Variants in PTK2 observed in about 807,000 individuals in gnomAD.
PTK2 encodes the protein protein tyrosine kinase 2.
In PTK2, 45 loss-of-function variants were observed where a neutral mutation model predicts 150.1. That is an observed-to-expected ratio of 0.30 (90% CI 0.24 to 0.38). The LOEUF is 0.38. Ranked by LOEUF, PTK2 falls within the 10% of genes least tolerant of loss-of-function variation. The pLI, the probability that PTK2 is intolerant of heterozygous loss-of-function variation, is 1.00. For missense variants in PTK2, 919 were observed against 1,307.3 expected, an observed-to-expected ratio of 0.70 and a Z score of 4.58; for synonymous variants, 432 against 449.2, an observed-to-expected ratio of 0.96 and a Z score of 0.48.
At chr8:140,976,678 T>C (rs1421776530) in intron 1 of PTK2, among the ~76,000 whole-genome samples, 1 of 152,236 alleles carries the variant, frequency 6.6e-6, no homozygotes, top group Admixed American at 6.5e-5. Flanking sequence ...ACACCTCAAC[T>C]TCAGCCAGAA....
chr8:140,904,952 GATTC>G (rs1448048332), intron 2 of PTK2, among the ~76,000 whole-genome samples: 3 of 151,996 alleles, frequency 2.0e-5, no homozygotes, highest in Non-Finnish European at 4.4e-5. Context: ...CCAGCTCCTG[GATTC>G]ATTGATTTTT....
chr8:140,730,971 T>A (rs1228583332), intron 22 of PTK2, among the ~76,000 whole-genome samples: 1 of 139,312 alleles, frequency 7.2e-6, no homozygotes, highest in Non-Finnish European at 1.6e-5. Context: ...CCCCCTTTTT[T>A]TTTTGAGACA....
At chr8:140,963,666 T>C (rs2100184193) in intron 1 of PTK2, among the ~76,000 whole-genome samples, 1 of 152,220 alleles carries the variant, frequency 6.6e-6, no homozygotes, top group Non-Finnish European at 1.5e-5. Flanking sequence ...CTTCAACAGC[T>C]CTCATTACTT....
chr8:140,679,003 G>GTTTTTTTTTTTTTTTTTTTTTTTT (rs533089786), intron 27 of PTK2, among the ~76,000 whole-genome samples: 1 of 69,008 alleles, frequency 1.4e-5, no homozygotes, highest in Non-Finnish European at 2.5e-5. Context: ...TGCTCCCCAT[G>GTTTTTTTTTTTTTTTTTTTTTTTT]TTTTTTTTTT....
At chr8:140,718,497 T>C (rs1389248065) in intron 22 of PTK2, 2 of 152,176 alleles carry the variant, frequency 1.3e-5, no homozygotes, top group Non-Finnish European at 2.9e-5. Context: ...CAGCAGACAG[T>C]TTGAAACCCT....
intron 12 of PTK2, 124 bp downstream of exon 12, chr8:140,800,335 C>T (rs1200807176): frequency 1.2e-6 from 1 of 811,946 alleles, no homozygotes; most frequent in African/African-American, 1.7e-5. Context: ...TTATACTGAG[C>T]TGAATTATTC....
intron 2 of PTK2, among the ~76,000 whole-genome samples, chr8:140,900,346 A>G (rs1339093629): frequency 6.6e-6 from 1 of 152,228 alleles, no homozygotes; most frequent in Non-Finnish European, 1.5e-5. Flanking sequence ...AACAGCTACA[A>G]AAAATATCAA....
At chr8:140,815,158 T>C (rs1315221499) in intron 10 of PTK2, among the ~76,000 whole-genome samples, 1 of 151,516 alleles carries the variant, frequency 6.6e-6, no homozygotes, top group East Asian at 1.9e-4. Context: ...TCAACCTAAA[T>C]GCCCATCGAT....
chr8:140,688,488 G>C (rs1289598820), intron 26 of PTK2, among the ~76,000 whole-genome samples: 2 of 151,958 alleles, frequency 1.3e-5, no homozygotes, highest in African/African-American at 4.8e-5. Flanking sequence ...GCTGAGGTGG[G>C]AGGACCCTTT....
At chr8:140,711,560 T>C (rs1274956328) in intron 23 of PTK2, among the ~76,000 whole-genome samples, 1 of 152,258 alleles carries the variant, frequency 6.6e-6, no homozygotes, top group South Asian at 2.1e-4. Context: ...CACTGAACTT[T>C]CCAGAACAGC....
At chr8:140,899,254 G>A (rs1004985089) in intron 2 of PTK2, among the ~76,000 whole-genome samples, 4 of 152,092 alleles carry the variant, frequency 2.6e-5, no homozygotes, top group Admixed American at 6.6e-5. Flanking sequence ...TCTAGGCTAG[G>A]AAATAAAAGG....
intron 1 of PTK2, among the ~76,000 whole-genome samples, chr8:140,949,388 G>T (rs1279737442): frequency 6.6e-6 from 1 of 152,186 alleles, no homozygotes; most frequent in Non-Finnish European, 1.5e-5. Flanking sequence ...CTACTGAGTT[G>T]GCGGGGCAGG....
chr8:140,885,340 A>G (rs1246427637), intron 3 of PTK2, among the ~76,000 whole-genome samples: 1 of 152,216 alleles, frequency 6.6e-6, no homozygotes, highest in Non-Finnish European at 1.5e-5. Flanking sequence ...GTCATTCAAC[A>G]AAAGTACCTA....
chr8:140,834,018 T>G (rs964295853), intron 7 of PTK2, among the ~76,000 whole-genome samples: 1 of 152,192 alleles, frequency 6.6e-6, no homozygotes, highest in Non-Finnish European at 1.5e-5. Flanking sequence ...AATTAAAAAT[T>G]CTGTTCCCAA....
intron 7 of PTK2, among the ~76,000 whole-genome samples, chr8:140,836,187 G>A (rs1346564493): frequency 6.6e-6 from 1 of 152,132 alleles, no homozygotes; most frequent in African/African-American, 2.4e-5. Context: ...TTTGTGACGA[G>A]AAACATTCCA....
At chr8:140,792,008 T>C (rs2100088778) in intron 13 of PTK2, among the ~76,000 whole-genome samples, 1 of 152,188 alleles carries the variant, frequency 6.6e-6, no homozygotes, top group African/African-American at 2.4e-5. Flanking sequence ...TTCCTCAAGC[T>C]GTAGCACAGA....
chr8:140,915,709 C>A (rs12156427), intron 2 of PTK2, among the ~76,000 whole-genome samples: 38,046 of 151,474 alleles, frequency 0.25, 5,394 homozygotes, highest in Admixed American at 0.36. Flanking sequence ...CCAGCCTGGC[C>A]AACATGATAA....
intron 2 of PTK2, among the ~76,000 whole-genome samples, chr8:140,896,506 T>C (rs529245563): frequency 6.6e-6 from 1 of 152,208 alleles, no homozygotes; most frequent in East Asian, 1.9e-4. Flanking sequence ...ATTCACCACA[T>C]TTTCAGAAAG....
intron 3 of PTK2, among the ~76,000 whole-genome samples, chr8:140,889,557 T>C (rs2100153540): frequency 6.6e-6 from 1 of 151,112 alleles, no homozygotes; most frequent in African/African-American, 2.4e-5. Flanking sequence ...ATTCTACCAA[T>C]CCCTTTGCTT....
Sources: allele counts gnomAD v4.1 joint callset (sites outside exome capture counted in the v4.1 genomes callset), GRCh38; gene constraint gnomAD v4.1.1; transcripts MANE v1.5; gene names NCBI Gene and HGNC (gene_info 2026-07-23, HGNC 2026-07-21).